Variants in SPIN1 observed in about 807,000 individuals in gnomAD.
SPIN1 encodes the protein spindlin 1.
SPIN1 carries 3 observed loss-of-function variants against 26.0 expected under a neutral mutation model. The observed-to-expected ratio is 0.12, with a 90% CI of 0.05 to 0.30. SPIN1 has a LOEUF of 0.30. Ranked by LOEUF, SPIN1 falls within the 10% of genes least tolerant of loss-of-function variation. The pLI, the probability that SPIN1 is intolerant of heterozygous loss-of-function variation, is 1.00. For missense variants in SPIN1, 126 were observed against 333.4 expected (o/e 0.38, Z 4.84); for synonymous variants, 101 against 116.5 (o/e 0.87, Z 0.86).
intron 2 of SPIN1, among the ~76,000 whole-genome samples, chr9:88,437,831 A>G (rs1425022539): frequency 6.6e-6 from 1 of 151,964 alleles, no homozygotes; most frequent in Non-Finnish European, 1.5e-5. Flanking sequence ...TTCTTTTTCT[A>G]GTTTCCTAAG....
At chr9:88,440,050 T>G (rs949857001) in intron 2 of SPIN1, among the ~76,000 whole-genome samples, 1 of 152,164 alleles carries the variant, frequency 6.6e-6, no homozygotes, top group East Asian at 1.9e-4. Flanking sequence ...TTTTTTCCAG[T>G]TTTTGCTTTC....
intron 4 of SPIN1, among the ~76,000 whole-genome samples, chr9:88,464,581 G>A (rs149611870): frequency 6.8e-4 from 103 of 152,202 alleles, no homozygotes; most frequent in African/African-American, 2.1e-3. Flanking sequence ...GCTGTAATTC[G>A]CGCTTTTCAC....
intron 2 of SPIN1, among the ~76,000 whole-genome samples, chr9:88,434,357 A>T (rs7045402): frequency 0.08 from 11,096 of 138,916 alleles, 1,315 homozygotes; most frequent in African/African-American, 0.33. Context: ...TATTTTATAA[A>T]TTATAAAATA....
intron 1 of SPIN1, among the ~76,000 whole-genome samples, chr9:88,393,804 T>C (rs1826990264): frequency 6.6e-6 from 1 of 151,996 alleles, no homozygotes; most frequent in East Asian, 1.9e-4. Context: ...TTTCTCTCTT[T>C]AGCATCATTG....
intron 2 of SPIN1, among the ~76,000 whole-genome samples, chr9:88,440,273 A>G (rs957869684): frequency 5.4e-5 from 8 of 148,646 alleles, no homozygotes; most frequent in Non-Finnish European, 1.0e-4. Context: ...ATATGATTCC[A>G]CCTTTTTCCC....
chr9:88,395,571 T>C (rs917067324), intron 1 of SPIN1, among the ~76,000 whole-genome samples: 1 of 152,066 alleles, frequency 6.6e-6, no homozygotes, highest in African/African-American at 2.4e-5. Context: ...GTAAACACAT[T>C]TGTAGTTTTG....
intron 1 of SPIN1, chr9:88,411,237 G>T: frequency 8.7e-7 from 1 of 1,144,482 alleles, no homozygotes; most frequent in Non-Finnish European, 1.3e-6. Context: ...ACCTTGTGTG[G>T]CCTTGCATTC....
At chr9:88,452,206 C>T (rs1480372719) in intron 3 of SPIN1, among the ~76,000 whole-genome samples, 1 of 152,192 alleles carries the variant, frequency 6.6e-6, no homozygotes, top group African/African-American at 2.4e-5. Flanking sequence ...CATGATAGCC[C>T]TGTCAAGTAG....
intron 2 of SPIN1, among the ~76,000 whole-genome samples, chr9:88,447,326 G>C (rs921646935): frequency 6.6e-6 from 1 of 151,912 alleles, no homozygotes; most frequent in Non-Finnish European, 1.5e-5. Context: ...TACCTGCTAA[G>C]TACTTTATTT....
intron 1 of SPIN1, among the ~76,000 whole-genome samples, chr9:88,412,829 G>A (rs914132625): frequency 1.4e-4 from 22 of 151,884 alleles, no homozygotes; most frequent in South Asian, 6.2e-4. Flanking sequence ...GACTACAGGC[G>A]CATGCCACCA....
intron 2 of SPIN1, among the ~76,000 whole-genome samples, chr9:88,426,928 C>T (rs565963963): frequency 6.6e-6 from 1 of 152,164 alleles, no homozygotes; most frequent in South Asian, 2.1e-4. Flanking sequence ...ATTTAGTGTA[C>T]TGAGAGCAAC....
At chr9:88,451,266 C>T (rs951454242) in intron 3 of SPIN1, among the ~76,000 whole-genome samples, 13 of 152,140 alleles carry the variant, frequency 8.5e-5, no homozygotes, top group African/African-American at 2.9e-4. Flanking sequence ...TATGGGGTGC[C>T]CGAGAAAGAA....
chr9:88,390,847 A>T (rs754582887), intron 1 of SPIN1, among the ~76,000 whole-genome samples: 3 of 152,108 alleles, frequency 2.0e-5, no homozygotes, highest in Admixed American at 6.6e-5. Context: ...GCCTTTTTTT[A>T]AAAAAAGTTT....
chr9:88,392,655 C>G (rs778464159), intron 1 of SPIN1, among the ~76,000 whole-genome samples: 1 of 152,002 alleles, frequency 6.6e-6, no homozygotes, highest in Non-Finnish European at 1.5e-5. Context: ...TCTTTTTCTA[C>G]CTATCTACCT....
rs2118023520 is a variant in SPIN1 at position 88,426,369 on chromosome 9, C to T, written c.-158-13C>T. On this transcript the variant is annotated splice_polypyrimidine_tract_variant and intron_variant, in intron 1 of 5. Transcript: ENST00000375859. ...TTGATGCTCTAGTAATGAACTGTTT[C>T]ACTATTTTACAGAGTGCTTGTGATT... 1.9e-6 allele frequency: 1 copy of T among 521,648 alleles called. No individual in the cohort carries two copies. The highest frequency in any genetic ancestry group is 3.5e-6 in the Non-Finnish European group (1 of 283,996). The allele number at this position is 521,648 out of a possible 1,614,324, so 32.3% of individuals were successfully genotyped here.
chr9:88,437,083 G>T (rs1345205137), intron 2 of SPIN1, among the ~76,000 whole-genome samples: 1 of 151,190 alleles, frequency 6.6e-6, no homozygotes, highest in South Asian at 2.1e-4. Flanking sequence ...GTCTTTTTAT[G>T]GCTTGATAGT....
chr9:88,446,517 C>T (rs1306455326), intron 2 of SPIN1, among the ~76,000 whole-genome samples: 1 of 151,748 alleles, frequency 6.6e-6, no homozygotes, highest in Non-Finnish European at 1.5e-5. Context: ...AGCGATTCTC[C>T]TGCCTCAGCC....
chr9:88,450,539 A>G (rs1229671579), intron 3 of SPIN1, among the ~76,000 whole-genome samples: 1 of 152,210 alleles, frequency 6.6e-6, no homozygotes, highest in Non-Finnish European at 1.5e-5. Flanking sequence ...CTAATAAGCC[A>G]TACTGTTCAT....
At chr9:88,471,625 A>T (rs1387287224) in intron 5 of SPIN1, among the ~76,000 whole-genome samples, 2 of 126,528 alleles carry the variant, frequency 1.6e-5, no homozygotes. Context: ...ATTGCACTCC[A>T]GCCTGGGCAA....
Sources: allele counts gnomAD v4.1 joint callset (sites outside exome capture counted in the v4.1 genomes callset), GRCh38; gene constraint gnomAD v4.1.1; transcripts MANE v1.5; gene names NCBI Gene and HGNC (gene_info 2026-07-23, HGNC 2026-07-21).